Variants in TNFSF4 observed in about 807,000 individuals in gnomAD.
TNFSF4 encodes the protein TNF superfamily member 4, also known as tumor necrosis factor ligand superfamily member 4.
In TNFSF4, 4 loss-of-function variants were observed where a neutral mutation model predicts 7.3. The observed-to-expected ratio is 0.55, with a 90% CI of 0.27 to 1.25. TNFSF4 has a LOEUF of 1.25. Among genes scored for constraint, TNFSF4 ranks in the 50% most tolerant of loss-of-function variants. The probability of loss-of-function intolerance (pLI) is 0.12; values close to 1 mark genes in which losing one functional copy is unlikely to be tolerated. For synonymous variants in TNFSF4, 76 were observed against 83.7 expected, an observed-to-expected ratio of 0.91 and a Z score of 0.50; for missense variants, 181 against 208.8, an observed-to-expected ratio of 0.87 and a Z score of 0.82.
the TNFSF4 span, among the ~76,000 whole-genome samples, chr1:173,341,463 A>G: frequency 6.6e-6 from 1 of 152,308 alleles, no homozygotes; most frequent in South Asian, 2.1e-4. Flanking sequence ...GAATATGACT[A>G]AGGCCTGGTC....
At chr1:173,366,546 A>G in the TNFSF4 span, among the ~76,000 whole-genome samples, 1 of 152,322 alleles carries the variant, frequency 6.6e-6, no homozygotes, top group Non-Finnish European at 1.5e-5. Context: ...GAAAAAACAA[A>G]TAAGACCTAG....
the TNFSF4 span, among the ~76,000 whole-genome samples, chr1:173,337,327 C>G: frequency 6.6e-6 from 1 of 152,136 alleles, no homozygotes; most frequent in Non-Finnish European, 1.5e-5. Context: ...CATGAATTGG[C>G]TGTTATCTGA....
the TNFSF4 span, among the ~76,000 whole-genome samples, chr1:173,377,468 AC>A: frequency 6.6e-6 from 1 of 152,166 alleles, no homozygotes; most frequent in Non-Finnish European, 1.5e-5. Flanking sequence ...AAGTTGGATG[AC>A]CCTGCGGCCA....
the TNFSF4 span, among the ~76,000 whole-genome samples, chr1:173,323,050 G>A: frequency 6.6e-6 from 1 of 152,208 alleles, no homozygotes; most frequent in Non-Finnish European, 1.5e-5. Context: ...GGTTCTCCCA[G>A]CATGCAGCTT....
the TNFSF4 span, among the ~76,000 whole-genome samples, chr1:173,385,381 A>G: frequency 6.6e-6 from 1 of 152,258 alleles, no homozygotes; most frequent in Non-Finnish European, 1.5e-5. Flanking sequence ...ATATTATTCA[A>G]AGTTGCAACC....
At chr1:173,267,908 A>AGG in the TNFSF4 span, among the ~76,000 whole-genome samples, 2 of 104,440 alleles carry the variant, frequency 1.9e-5, no homozygotes, top group Non-Finnish European at 4.2e-5. Flanking sequence ...GAGGAGAGGA[A>AGG]AGAGAAGGAG....
the TNFSF4 span, among the ~76,000 whole-genome samples, chr1:173,365,649 A>G: frequency 1.3e-5 from 2 of 152,198 alleles, no homozygotes; most frequent in African/African-American, 2.4e-5. Context: ...GTTGTGTCAA[A>G]TCAGCAAGAA....
At chr1:173,441,297 A>G in the TNFSF4 span, among the ~76,000 whole-genome samples, 2 of 150,788 alleles carry the variant, frequency 1.3e-5, no homozygotes, top group African/African-American at 4.9e-5. Flanking sequence ...TGCTTTTCCT[A>G]GTTTCTACCT....
At chr1:173,384,885 C>A in the TNFSF4 span, among the ~76,000 whole-genome samples, 2 of 152,090 alleles carry the variant, frequency 1.3e-5, no homozygotes, top group Non-Finnish European at 2.9e-5. Context: ...TTTTTATTAT[C>A]TCTACTCTGT....
chr1:173,278,213 G>T, the TNFSF4 span, among the ~76,000 whole-genome samples: 2 of 152,014 alleles, frequency 1.3e-5, no homozygotes, highest in African/African-American at 4.8e-5. Context: ...TGCATCCAGA[G>T]ATCTTGTTTA....
chr1:173,187,822 C>T (rs916141354), intron 2 of TNFSF4, among the ~76,000 whole-genome samples: 1 of 152,198 alleles, frequency 6.6e-6, no homozygotes, highest in African/African-American at 2.4e-5. Context: ...CAAGTAACCA[C>T]ATCTTGGACA....
the TNFSF4 span, among the ~76,000 whole-genome samples, chr1:173,397,606 C>T: frequency 2.0e-5 from 3 of 152,172 alleles, no homozygotes; most frequent in South Asian, 2.1e-4. Flanking sequence ...GGTTATTTCC[C>T]CAGTTTTGGA....
Position 173,202,070 on chromosome 1 carries a change from T to TATATATATATATATACACA in TNFSF4, c.153+4953_153+4954insTGTGTATATATATATATAT, listed in dbSNP as rs150074641. Among the ~76,000 whole-genome samples the TATATATATATATATACACA allele has an allele frequency of 6.2e-3, 933 of 149,422 alleles. 13 individuals are homozygous for TATATATATATATATACACA. Among genetic ancestry groups the TATATATATATATATACACA allele is most frequent in the Admixed American group, 0.027 (396 of 14,780 alleles). On this transcript the variant is annotated intron_variant, in intron 1 of 2. Transcript: ENST00000281834. ...CTATATATATATACATATATATATA[T>TATATATATATATATACACA]ACACACACACATACACATATATATA...
the TNFSF4 span, among the ~76,000 whole-genome samples, chr1:173,213,921 G>A: frequency 6.6e-6 from 1 of 152,060 alleles, no homozygotes; most frequent in African/African-American, 2.4e-5. Context: ...CTGGATTGGG[G>A]GTAGGGTGCC....
intron 2 of TNFSF4, among the ~76,000 whole-genome samples, chr1:173,188,185 G>C (rs1649313013): frequency 1.3e-5 from 2 of 152,198 alleles, no homozygotes. Context: ...GTGTCTTATA[G>C]TCAGACAGAC....
chr1:173,221,274 G>A, the TNFSF4 span, among the ~76,000 whole-genome samples: 2 of 152,300 alleles, frequency 1.3e-5, no homozygotes, highest in South Asian at 2.1e-4. Context: ...CCATTGGAAG[G>A]TTTCAATTAG....
At chr1:173,295,066 C>A in the TNFSF4 span, among the ~76,000 whole-genome samples, 1 of 151,840 alleles carries the variant, frequency 6.6e-6, no homozygotes, top group Non-Finnish European at 1.5e-5. Flanking sequence ...CACTACACAC[C>A]CACTAGAATG....
the TNFSF4 span, among the ~76,000 whole-genome samples, chr1:173,400,434 C>T: frequency 1.2e-3 from 176 of 152,266 alleles, 1 homozygote; most frequent in African/African-American, 4.1e-3. Context: ...CCAGTTACAC[C>T]AGTAAAATGT....
chr1:173,354,628 T>C, the TNFSF4 span, among the ~76,000 whole-genome samples: 1 of 152,190 alleles, frequency 6.6e-6, no homozygotes, highest in Non-Finnish European at 1.5e-5. Flanking sequence ...GAATACATCA[T>C]TGTTAATTCT....
Sources: allele counts gnomAD v4.1 joint callset (sites outside exome capture counted in the v4.1 genomes callset), GRCh38; gene constraint gnomAD v4.1.1; transcripts MANE v1.5; gene names NCBI Gene and HGNC (gene_info 2026-07-23, HGNC 2026-07-21).